CPNE6: variants seen among roughly 807,000 people sequenced by gnomAD.
CPNE6 encodes the protein copine-6.
CPNE6 carries 33 observed loss-of-function variants against 71.5 expected under a neutral mutation model. That is an observed-to-expected ratio of 0.46 (90% CI 0.35 to 0.62). CPNE6 has a LOEUF of 0.62. Ranked by LOEUF, CPNE6 falls within the 20% of genes least tolerant of loss-of-function variation. CPNE6 has a pLI of 0.00. For missense variants in CPNE6, 576 were observed against 747.3 expected, an observed-to-expected ratio of 0.77 and a Z score of 2.67; for synonymous variants, 296 against 293.0, an observed-to-expected ratio of 1.01 and a Z score of -0.10.
exon 2 of CPNE6, chr14:24,071,625 C>T (rs1470152052): frequency 1.7e-6 from 2 of 1,143,452 alleles, no homozygotes; most frequent in East Asian, 2.6e-5. Context: ...GAGAGGAGCC[C>T]CCGACCGAGA....
intron 2 of CPNE6, chr14:24,072,017 A>G: frequency 4.8e-6 from 1 of 210,010 alleles, no homozygotes; most frequent in South Asian, 1.0e-4. Context: ...ATGCACACTC[A>G]CTCGGGGAAG....
At position 24,077,742 on chromosome 14, in the gene CPNE6, CG is replaced by C. The variant is rs779815573; in HGVS notation, c.*14del. ...GCCCTAGCCCGTGACTGCCTCCCTCCGGACCGACACTCCCTCAGCCTCTCAG... is the reference window on the plus strand; with the variant it reads ...GCCCTAGCCCGTGACTGCCTCCCTCCGACCGACACTCCCTCAGCCTCTCAG... On this transcript the variant is annotated 3_prime_UTR_variant, in exon 17 of 18. Transcript: ENST00000397016. The surrounding 1 kb of genome is among the most constrained non-coding windows in gnomAD (Gnocchi z 6.1). 1.3e-6 allele frequency: 2 copies of C among 1,514,658 alleles called. No individual in the cohort carries two copies. The highest frequency in any genetic ancestry group is 1.8e-6 in the Non-Finnish European group (2 of 1,132,732). The allele number at this position is 1,514,658 out of a possible 1,614,324, so 93.8% of individuals were successfully genotyped here.
rs779245949 is a variant in CPNE6, at chr14:24,077,384, C to A, written c.1530C>A (p.Phe510Leu). The change falls in exon 16 of 18, where the codon TTC becomes TTA. Residue 510 changes from phenylalanine (F) to leucine (L), a missense_variant. Physicochemically the swap from Phe to Leu is conservative, Grantham distance 22 (BLOSUM62 0). Coordinates refer to ENST00000397016, the Ensembl canonical transcript of CPNE6. This position sits in a 1 kb window ranked among gnomAD's most constrained non-coding sequence, Gnocchi z 6.1. ...TCCAGTTCGTGCCCTTCCGAGACTT[C>A]AAGGATGTGAGTCCCCCGGGCCCCT... 1 of 1,613,752 alleles carries A rather than the reference C, an allele frequency of 6.2e-7. No individual in the cohort carries two copies. Among genetic ancestry groups the A allele is most frequent in the African/African-American group, 1.3e-5 (1 of 74,892 alleles).
At position 24,073,741 on chromosome 14, in the gene CPNE6, CAA is replaced by C; in HGVS notation, c.348+67_348+68del. 6.6e-7 allele frequency: 1 copy of C among 1,524,880 alleles called. No homozygotes were observed. Among genetic ancestry groups the C allele is most frequent in the Non-Finnish European group, 8.9e-7 (1 of 1,128,858 alleles). 94.5% of individuals were successfully genotyped at this position (1,524,880 alleles called of 1,614,324 possible). A position where few individuals can be genotyped will look rare whatever the true frequency, so the allele number is the denominator to read the frequency against. On this transcript the variant is annotated intron_variant, in intron 4 of 17. Coordinates refer to ENST00000397016, the Ensembl canonical transcript of CPNE6. This position sits in a 1 kb window ranked among gnomAD's most constrained non-coding sequence, Gnocchi z 5.5. ...CTCCATCAGCTTTGCCTCTGGAAGC[CAA>C]AAAGAGAGAAAACATGAGCTCTAGA...
Position 24,073,914 on chromosome 14 carries a change from A to C in CPNE6, c.349-137A>C, listed in dbSNP as rs1218824495. 1.1e-6 allele frequency: 1 copy of C among 899,128 alleles called. No homozygotes were observed. Among genetic ancestry groups the C allele is most frequent in the Admixed American group, 2.1e-5 (1 of 48,488 alleles). The allele number at this position is 899,128 out of a possible 1,614,324, so 55.7% of individuals were successfully genotyped here. On this transcript the variant is annotated intron_variant, in intron 4 of 17. Coordinates refer to ENST00000397016, the Ensembl canonical transcript of CPNE6. The surrounding 1 kb of genome is among the most constrained non-coding windows in gnomAD (Gnocchi z 5.5). ...GTGCTTCCCTCTTCAGACTATTGTA[A>C]AAATTGAGCCCAACCCTAGCCCAAC...
Position 24,074,168 on chromosome 14 carries a change from A to G in CPNE6, c.423+43A>G, listed in dbSNP as rs755811520. ...TACTCACCCTTGGTCCAGGTATTCAATGCCCCTGCATGGACACCTATGGTG... is the reference window on the plus strand; with the variant it reads ...TACTCACCCTTGGTCCAGGTATTCAGTGCCCCTGCATGGACACCTATGGTG... On this transcript the variant is annotated intron_variant, in intron 5 of 17. Coordinates refer to ENST00000397016, the Ensembl canonical transcript of CPNE6. This position sits in a 1 kb window ranked among gnomAD's most constrained non-coding sequence, Gnocchi z 4.5. The G allele has an allele frequency of 9.4e-6, 15 of 1,597,794 alleles. No individual in the cohort carries two copies. In the South Asian group the frequency reaches 1.3e-4, roughly 14 times the overall value.
In CPNE6 at chr14:24,073,909, T is replaced by A; in HGVS notation, c.349-142T>A. On this transcript the variant is annotated intron_variant, in intron 4 of 17. Transcript: ENST00000397016. This position sits in a 1 kb window ranked among gnomAD's most constrained non-coding sequence, Gnocchi z 5.5. ...TCAGAGTGCTTCCCTCTTCAGACTA[T>A]TGTAAAAATTGAGCCCAACCCTAGC... 1 of 856,076 alleles carries A rather than the reference T, an allele frequency of 1.2e-6. No homozygotes were observed. The highest frequency in any genetic ancestry group is 1.9e-6 in the Non-Finnish European group (1 of 524,876). The allele number at this position is 856,076 out of a possible 1,614,324, so 53.0% of individuals were successfully genotyped here.
intron 2 of CPNE6, chr14:24,072,598 A>C (rs2035934640): frequency 4.5e-6 from 1 of 223,524 alleles, no homozygotes. Context: ...GGGAAATAGC[A>C]GAAGGTGCTG....
chr14:24,071,783 G>T, intron 2 of CPNE6, 142 bp downstream of exon 1: 1 of 551,896 alleles, frequency 1.8e-6, no homozygotes, highest in Non-Finnish European at 3.2e-6. Flanking sequence ...CTATCTCGGG[G>T]ACCCCCAAGA....
chr14:24,076,502 A>G lies in CPNE6; in HGVS notation c.1114-4A>G. ...CCCTCACTGCTCCCGCCTTGCCCTC[A>G]CAGGTGTCCCATGACTTTGCTATCA... On this transcript the variant is annotated splice_region_variant and splice_polypyrimidine_tract_variant and intron_variant, in intron 13 of 17. Transcript: ENST00000397016. 6.2e-7 allele frequency: 1 copy of G among 1,614,152 alleles called. No individual in the cohort carries two copies. Among genetic ancestry groups the G allele is most frequent in the East Asian group, 2.2e-5 (1 of 44,876 alleles).
In CPNE6 at chr14:24,077,264, C is replaced by T. The variant is rs948985564; in HGVS notation, c.1410C>T (p.Gly470=). 5.0e-6 allele frequency: 8 copies of T among 1,613,598 alleles called. No homozygotes were observed. The highest frequency in any genetic ancestry group is 2.7e-5 in the African/African-American group (2 of 74,916). Residue 470 remains glycine, a synonymous_variant, in exon 16 of 18, where the codon GGC becomes GGT. Transcript: ENST00000397016. The surrounding 1 kb of genome is among the most constrained non-coding windows in gnomAD (Gnocchi z 6.1). ...TGCCCATGTCCATCATCATCGTAGG[C>T]GTGGGCAATGCTGACTTCTCTGACA... is the stretch of plus-strand genomic sequence containing the variant.
Position 24,075,040 on chromosome 14 carries a change from T to G in CPNE6, c.673-132T>G, listed in dbSNP as rs1247243395. 5.5e-5 allele frequency: 43 copies of G among 786,940 alleles called. No individual in the cohort carries two copies. The highest frequency in any genetic ancestry group is 7.8e-5 in the Non-Finnish European group (35 of 450,424). The allele number at this position is 786,940 out of a possible 1,614,324, so 48.7% of individuals were successfully genotyped here. ...CAGCAGGTGGCCTCTCCGGGCAGGC[T>G]GAGGATGTCTGTTTGGGCATGGAGA... On this transcript the variant is annotated intron_variant, in intron 8 of 17. Transcript: ENST00000397016. The surrounding 1 kb of genome is among the most constrained non-coding windows in gnomAD (Gnocchi z 4.3).
At position 24,075,684 on chromosome 14, in the gene CPNE6, C is replaced by A. The variant is rs1594231559; in HGVS notation, c.864+93C>A. 5.8e-6 allele frequency: 8 copies of A among 1,388,158 alleles called. No homozygotes were observed. In the East Asian group the frequency reaches 1.4e-4, roughly 25 times the overall value. The allele number at this position is 1,388,158 out of a possible 1,614,324, so 86.0% of individuals were successfully genotyped here. A position where few individuals can be genotyped will look rare whatever the true frequency, so the allele number is the denominator to read the frequency against. On this transcript the variant is annotated intron_variant, in intron 10 of 17. Transcript: ENST00000397016. The surrounding 1 kb of genome is among the most constrained non-coding windows in gnomAD (Gnocchi z 4.3). ...CTTCCCTTGTTTCAAAGACCAGTTT[C>A]TCTGCTTCTGGGAACTGGAAACCAC... is the stretch of plus-strand genomic sequence containing the variant.
Position 24,077,632 on chromosome 14 carries a change from G to T in CPNE6, c.1576G>T (p.Val526Leu). 1 of 1,596,402 alleles carries T rather than the reference G, an allele frequency of 6.3e-7. No individual in the cohort carries two copies. Among genetic ancestry groups the T allele is most frequent in the Non-Finnish European group, 8.5e-7 (1 of 1,170,842 alleles). The stretch of plus-strand genomic sequence containing the variant: ...ACTCGCCAAGTGTGTCCTGGCTGAG[G>T]TGCCACGGCAGGTGGTGGAGTACTA... Residue 526 changes from valine to leucine, a missense_variant, in exon 17 of 18, where the codon GTG becomes TTG. Val to Leu is a conservative substitution (Grantham distance 32, BLOSUM62 1). This residue lies in a region of CPNE6 where 264 missense variants were observed against 339.9 expected (regional missense o/e 0.78). Coordinates refer to ENST00000397016, the Ensembl canonical transcript of CPNE6. The surrounding 1 kb of genome is among the most constrained non-coding windows in gnomAD (Gnocchi z 6.1).
At position 24,073,187 on chromosome 14, in the gene CPNE6, T is replaced by C. The variant is rs962480667; in HGVS notation, c.168+83T>C. ...GGCTGGGTGGGAGCAGTGAAAGCCT[T>C]GCAGGGAAATGTGTGGACTCTGCGG... On this transcript the variant is annotated intron_variant, in intron 3 of 17. Transcript: ENST00000397016. This position sits in a 1 kb window ranked among gnomAD's most constrained non-coding sequence, Gnocchi z 5.5. 1 of 1,347,170 alleles carries C rather than the reference T, an allele frequency of 7.4e-7. No homozygotes were observed. The highest frequency in any genetic ancestry group is 1.5e-5 in the African/African-American group (1 of 66,206). The allele number at this position is 1,347,170 out of a possible 1,614,324, so 83.5% of individuals were successfully genotyped here.
intron 1 of CPNE6, 61 bp from the exon 1 acceptor site, chr14:24,071,501 G>GGGGGCC: frequency 1.3e-4 from 190 of 1,416,260 alleles, no homozygotes; most frequent in Non-Finnish European, 1.6e-4. Context: ...CTGGTGCTGC[G>GGGGGCC]CCCCCCCCCA....
At position 24,075,652 on chromosome 14, in the gene CPNE6, T is replaced by C; in HGVS notation, c.864+61T>C. On this transcript the variant is annotated intron_variant, in intron 10 of 17. Transcript: ENST00000397016. The surrounding 1 kb of genome is among the most constrained non-coding windows in gnomAD (Gnocchi z 4.3). ...CCCCTGCCCCTACCACACTCTCAGGTTCAACCCTTCCCTTGTTTCAAAGAC... is the reference window on the plus strand; with the variant it reads ...CCCCTGCCCCTACCACACTCTCAGGCTCAACCCTTCCCTTGTTTCAAAGAC... The C allele has an allele frequency of 3.4e-6, 5 of 1,457,660 alleles. No individual in the cohort carries two copies. Among genetic ancestry groups the C allele is most frequent in the Non-Finnish European group, 4.7e-6 (5 of 1,053,870 alleles). 90.3% of individuals were successfully genotyped at this position (1,457,660 alleles called of 1,614,324 possible).
At position 24,075,897 on chromosome 14, in the gene CPNE6, A is replaced by C. The variant is rs746878209; in HGVS notation, c.924+11A>C. 6.2e-7 allele frequency: 1 copy of C among 1,613,902 alleles called. No homozygotes were observed. The highest frequency in any genetic ancestry group is 8.5e-7 in the Non-Finnish European group (1 of 1,179,822). Reference sequence around the variant, plus strand: ...CAGATCAGCTTCACGGTAAAGACTCAGAGGGAGGGCACACAGGCAAGAGGG... The same window carrying C: ...CAGATCAGCTTCACGGTAAAGACTCCGAGGGAGGGCACACAGGCAAGAGGG... On this transcript the variant is annotated intron_variant, in intron 11 of 17. Transcript: ENST00000397016. This position sits in a 1 kb window ranked among gnomAD's most constrained non-coding sequence, Gnocchi z 4.3.
rs1271736182 is a variant in CPNE6 at position 24,077,019 on chromosome 14, A to C, written c.1299+7A>C. ...GAGCACCGGCCAAGCCACGGTAGGAAGACATGGCGGGCAAACAGGAGCTGT... is the reference window on the plus strand; with the variant it reads ...GAGCACCGGCCAAGCCACGGTAGGACGACATGGCGGGCAAACAGGAGCTGT... On this transcript the variant is annotated splice_region_variant and intron_variant, in intron 15 of 17. Transcript: ENST00000397016. This position sits in a 1 kb window ranked among gnomAD's most constrained non-coding sequence, Gnocchi z 6.1. The C allele has an allele frequency of 6.2e-7, 1 of 1,609,152 alleles. No individual in the cohort carries two copies. Among genetic ancestry groups the C allele is most frequent in the Non-Finnish European group, 8.5e-7 (1 of 1,179,980 alleles).
Sources: allele counts gnomAD v4.1 joint callset, GRCh38; gene constraint gnomAD v4.1.1; regional missense constraint gnomAD v4.1.1; non-coding constraint Gnocchi (gnomAD v3.1); transcripts MANE v1.5; gene names NCBI Gene and HGNC (gene_info 2026-07-23, HGNC 2026-07-21).